The following TTC28 variants were observed in gnomAD, a reference collection of about 807,000 sequenced individuals.
The protein encoded by TTC28 is tetratricopeptide repeat protein 28.
In TTC28, 61 loss-of-function variants were observed where a neutral mutation model predicts 198.0. The observed-to-expected ratio is 0.31, with a 90% CI of 0.25 to 0.38. The LOEUF is 0.38. Among genes scored for constraint, TTC28 ranks in the 10% least tolerant of loss-of-function variants. The pLI is 1.00. For synonymous variants in TTC28, 1,171 were observed against 1,297.8 expected (o/e 0.90, Z 2.10); for missense variants, 2,678 against 3,164.0 (o/e 0.85, Z 3.69).
At chr22:28,536,623 C>CA (rs1051755141) in intron 2 of TTC28, among the ~76,000 whole-genome samples, 61 of 149,296 alleles carry the variant, frequency 4.1e-4, no homozygotes, top group African/African-American at 1.3e-3. Flanking sequence ...GACTCCGTCT[C>CA]AAAAAAAAAT....
At position 28,184,400 on chromosome 22, in the gene TTC28, C is replaced by T. The variant is rs1923992040; in HGVS notation, c.934-20801G>A. Among the ~76,000 whole-genome samples, 4 of 152,214 alleles carry T rather than the reference C, an allele frequency of 2.6e-5. No individual in the cohort carries two copies. In the South Asian group the frequency reaches 6.2e-4, roughly 24 times the overall value. On this transcript the variant is annotated intron_variant, in intron 5 of 22. Transcript: ENST00000397906. ...TAGAAATGTCATTTCCCTTGTGTGGCATTTGTCAGTGTTCCTTTGGCACAG... is the reference window on the plus strand; with the variant it reads ...TAGAAATGTCATTTCCCTTGTGTGGTATTTGTCAGTGTTCCTTTGGCACAG...
rs187965717 is a variant in TTC28 at position 28,066,494 on chromosome 22, C to T, written c.3932+27586G>A. Among the ~76,000 whole-genome samples, 141 of 152,224 alleles carry T rather than the reference C, an allele frequency of 9.3e-4. 1 individual carries two copies. Among genetic ancestry groups the T allele is most frequent in the African/African-American group, 3.2e-3 (134 of 41,524 alleles). On this transcript the variant is annotated intron_variant, in intron 12 of 22. Transcript: ENST00000397906. ...CACTGACTACTACTCATTTCCCCCA[C>T]CCCCAAACCTCTGGTCACCACCATT...
chr22:28,004,722 G>C (rs1341486374), intron 14 of TTC28, among the ~76,000 whole-genome samples: 1 of 152,224 alleles, frequency 6.6e-6, no homozygotes, highest in Non-Finnish European at 1.5e-5. Context: ...GAAACTGATT[G>C]GACATGTTAG....
At chr22:28,335,344 T>C (rs1202132908) in intron 2 of TTC28, among the ~76,000 whole-genome samples, 1 of 152,220 alleles carries the variant, frequency 6.6e-6, no homozygotes, top group Non-Finnish European at 1.5e-5. Flanking sequence ...GCGGGCTCTT[T>C]TTTGGTTCCA....
At chr22:28,659,852 G>A (rs1332920228) in intron 1 of TTC28, among the ~76,000 whole-genome samples, 1 of 151,652 alleles carries the variant, frequency 6.6e-6, no homozygotes, top group Non-Finnish European at 1.5e-5. Context: ...AGGCTGGAGT[G>A]CAGTGGCATG....
intron 2 of TTC28, among the ~76,000 whole-genome samples, chr22:28,405,146 T>G (rs2046980820): frequency 6.6e-6 from 1 of 152,230 alleles, no homozygotes; most frequent in Non-Finnish European, 1.5e-5. Context: ...TTTTTACTCA[T>G]ACACAATTCA....
At chr22:28,634,703 G>C (rs922902261) in intron 1 of TTC28, among the ~76,000 whole-genome samples, 1 of 151,300 alleles carries the variant, frequency 6.6e-6, no homozygotes, top group Non-Finnish European at 1.5e-5. Context: ...TCCTGCCTCG[G>C]CCTCCTGAGT....
chr22:28,113,128 G>A (rs1942532268), intron 6 of TTC28, among the ~76,000 whole-genome samples: 1 of 152,158 alleles, frequency 6.6e-6, no homozygotes, highest in Admixed American at 6.5e-5. Flanking sequence ...GGTGTGAGCT[G>A]CACAAGCCAA....
chr22:28,022,129 G>A (rs902822566), intron 13 of TTC28, among the ~76,000 whole-genome samples: 1 of 152,236 alleles, frequency 6.6e-6, no homozygotes, highest in Admixed American at 6.5e-5. Flanking sequence ...GGCCTGAGGG[G>A]GAGCCCTCTG....
At chr22:28,290,560 A>T (rs1220965959) in intron 5 of TTC28, among the ~76,000 whole-genome samples, 1 of 152,206 alleles carries the variant, frequency 6.6e-6, no homozygotes, top group Non-Finnish European at 1.5e-5. Context: ...AATTTTCATG[A>T]CAAAACATGC....
At chr22:28,053,283 C>A (rs1006761629) in intron 12 of TTC28, among the ~76,000 whole-genome samples, 1 of 152,198 alleles carries the variant, frequency 6.6e-6, no homozygotes, top group African/African-American at 2.4e-5. Context: ...ACAGAATCTA[C>A]ATGATTCAAA....
At chr22:28,081,902 C>T (rs1439136173) in intron 12 of TTC28, among the ~76,000 whole-genome samples, 1 of 152,156 alleles carries the variant, frequency 6.6e-6, no homozygotes, top group Non-Finnish European at 1.5e-5. Context: ...GATATCTTCC[C>T]ATTTATTTGT....
chr22:28,584,348 T>C (rs973906135), intron 2 of TTC28, among the ~76,000 whole-genome samples: 2 of 152,214 alleles, frequency 1.3e-5, no homozygotes, highest in African/African-American at 4.8e-5. Context: ...CCCAGGAACC[T>C]GGACTCTGCA....
At chr22:28,140,332 C>A (rs946947475) in intron 6 of TTC28, among the ~76,000 whole-genome samples, 1 of 152,210 alleles carries the variant, frequency 6.6e-6, no homozygotes, top group Non-Finnish European at 1.5e-5. Context: ...GCCTCTGAAT[C>A]TCCCCTCAGA....
chr22:28,536,207 A>AT (rs2049272974), intron 2 of TTC28, among the ~76,000 whole-genome samples: 2 of 143,934 alleles, frequency 1.4e-5, no homozygotes, highest in African/African-American at 5.4e-5. Flanking sequence ...TCAAAAAAAA[A>AT]AAAAAAAAAA....
intron 13 of TTC28, among the ~76,000 whole-genome samples, chr22:28,019,960 C>T (rs934114799): frequency 1.6e-4 from 25 of 152,348 alleles, no homozygotes; most frequent in African/African-American, 6.0e-4. Context: ...CCTGCCACGG[C>T]GGCCTCACCG....
At chr22:28,116,332 G>A (rs1283293483) in intron 6 of TTC28, among the ~76,000 whole-genome samples, 1 of 152,196 alleles carries the variant, frequency 6.6e-6, no homozygotes, top group East Asian at 1.9e-4. Context: ...TGAGGCAGTG[G>A]GGAAGATTAA....
Position 27,978,120 on chromosome 22 carries a change from A to C in TTC28, c.*4101T>G, listed in dbSNP as rs142591613. The stretch of plus-strand genomic sequence containing the variant: ...AAATATGAAGTTCTTTTTACATGGT[A>C]AATTTCATAATATAAAAAGTTTAAT... On this transcript the variant is annotated 3_prime_UTR_variant, in exon 23 of 23. Coordinates refer to ENST00000397906, the MANE Select transcript of TTC28 (RefSeq NM_001145418.2). The C allele has an allele frequency of 1.1e-4, 17 of 152,340 alleles. No individual in the cohort carries two copies. The East Asian group carries it at 3.3e-3, about 29-fold the overall frequency. The allele number at this position is 152,340 out of a possible 1,614,324, so 9.4% of individuals were successfully genotyped here.
chr22:28,040,537 C>A (rs371982122), intron 12 of TTC28, among the ~76,000 whole-genome samples: 1 of 152,056 alleles, frequency 6.6e-6, no homozygotes, highest in Non-Finnish European at 1.5e-5. Context: ...ATTCAACAGC[C>A]CTTCATGCTA....
Sources: gnomAD v4.1 joint callset for allele counts (sites outside exome capture counted in the v4.1 genomes callset) on GRCh38, gnomAD v4.1.1 for gene constraint, MANE v1.5 for transcripts, NCBI Gene and HGNC (gene_info 2026-07-23, HGNC 2026-07-21) for gene names.